Variants in EIF4E3 observed in about 807,000 individuals in gnomAD.
EIF4E3 encodes eukaryotic translation initiation factor 4E type 3.
A neutral mutation model predicts 31.7 loss-of-function variants in EIF4E3; 26 were observed. That is an observed-to-expected ratio of 0.82 (90% CI 0.60 to 1.14). The LOEUF (loss-of-function observed/expected upper bound fraction) is 1.14, where lower values mean the gene tolerates loss of function less well. Ranked by LOEUF, EIF4E3 falls within the 50% of genes most tolerant of loss-of-function variation. EIF4E3 has a pLI of 0.00. For missense variants in EIF4E3, 304 were observed against 270.9 expected, an observed-to-expected ratio of 1.12 and a Z score of -0.86; for synonymous variants, 128 against 107.7, an observed-to-expected ratio of 1.19 and a Z score of -1.17.
At chr3:71,741,823 G>A (rs903543368) in intron 1 of EIF4E3, among the ~76,000 whole-genome samples, 2 of 152,174 alleles carry the variant, frequency 1.3e-5, no homozygotes, top group African/African-American at 2.4e-5. Flanking sequence ...TATGTTCTCT[G>A]ATACAGTGGA....
chr3:71,753,320 A>G (rs749722084), intron 1 of EIF4E3: 2 of 152,234 alleles, frequency 1.3e-5, no homozygotes, highest in Non-Finnish European at 2.9e-5. Context: ...ACTATCGTAA[A>G]TTACTCCCAG....
At chr3:71,665,308 T>C in the EIF4E3 span, among the ~76,000 whole-genome samples, 889 of 152,344 alleles carry the variant, frequency 5.8e-3, 10 homozygotes, top group African/African-American at 0.02. Flanking sequence ...CTCCAGCCAG[T>C]GAGCCAGATG....
intron 1 of EIF4E3, among the ~76,000 whole-genome samples, chr3:71,736,735 T>A (rs891336012): frequency 6.6e-6 from 1 of 152,240 alleles, no homozygotes; most frequent in African/African-American, 2.4e-5. Context: ...TGGATACATG[T>A]CATTGGACAC....
chr3:71,661,237 G>A, the EIF4E3 span, among the ~76,000 whole-genome samples: 2 of 152,104 alleles, frequency 1.3e-5, no homozygotes, highest in South Asian at 4.2e-4. Context: ...AGGGTTGGGG[G>A]GCGGGGGCGG....
At chr3:71,741,912 A>G (rs2049824573) in intron 1 of EIF4E3, among the ~76,000 whole-genome samples, 1 of 152,212 alleles carries the variant, frequency 6.6e-6, no homozygotes, top group Non-Finnish European at 1.5e-5. Flanking sequence ...ACTTCTCTAT[A>G]ACTCATGGAT....
intron 1 of EIF4E3, among the ~76,000 whole-genome samples, chr3:71,717,096 T>C (rs2049476666): frequency 6.6e-6 from 1 of 152,238 alleles, no homozygotes; most frequent in East Asian, 1.9e-4. Context: ...AGATGCTTCT[T>C]ACAAAGTAAA....
intron 3 of EIF4E3, among the ~76,000 whole-genome samples, chr3:71,698,377 G>A (rs1020002578): frequency 2.6e-5 from 4 of 152,144 alleles, no homozygotes; most frequent in Non-Finnish European, 5.9e-5. Context: ...GTCATGACAC[G>A]ATCTCATGTG....
chr3:71,691,001 T>G (rs2049056498), intron 5 of EIF4E3, among the ~76,000 whole-genome samples: 1 of 152,218 alleles, frequency 6.6e-6, no homozygotes, highest in Non-Finnish European at 1.5e-5. Context: ...GGCGGATGGA[T>G]AGTAAGGTGT....
chr3:71,668,284 C>G, the EIF4E3 span, among the ~76,000 whole-genome samples: 136 of 152,238 alleles, frequency 8.9e-4, 1 homozygote, highest in African/African-American at 3.2e-3. Flanking sequence ...AACGTAAGAC[C>G]TAAAACCATA....
chr3:71,743,283 G>A (rs1268069610), intron 1 of EIF4E3, among the ~76,000 whole-genome samples: 3 of 152,076 alleles, frequency 2.0e-5, no homozygotes. Flanking sequence ...AGTGAGTTTA[G>A]CAAAATTTCA....
chr3:71,661,035 T>C, the EIF4E3 span, among the ~76,000 whole-genome samples: 1 of 152,132 alleles, frequency 6.6e-6, no homozygotes, highest in Non-Finnish European at 1.5e-5. Flanking sequence ...TTCATCAACT[T>C]GTGAATTTTC....
At chr3:71,724,146 T>C (rs2049592244) in intron 1 of EIF4E3, among the ~76,000 whole-genome samples, 1 of 152,220 alleles carries the variant, frequency 6.6e-6, no homozygotes, top group South Asian at 2.1e-4. Context: ...CATCAAAATT[T>C]CCAAATGCTC....
rs571062679 is a variant in EIF4E3 at position 71,688,577 on chromosome 3, A to G, written c.628+1433T>C. Among the ~76,000 whole-genome samples the G allele has an allele frequency of 3.3e-5, 5 of 152,320 alleles. No homozygotes were observed. In the East Asian group the frequency reaches 9.6e-4, roughly 29 times the overall value. Reference sequence around the variant, plus strand: ...AATTGGTGTTCTCCTCTTTAGAGTCAAGTGTGGAGCTGGTTCAAAGGTGGG... The same window carrying G: ...AATTGGTGTTCTCCTCTTTAGAGTCGAGTGTGGAGCTGGTTCAAAGGTGGG... On this transcript the variant is annotated intron_variant, in intron 6 of 6. Coordinates refer to ENST00000425534, the MANE Select transcript of EIF4E3 (RefSeq NM_001134651.2).
chr3:71,752,886 C>A (rs2049947740), intron 1 of EIF4E3, among the ~76,000 whole-genome samples: 1 of 152,168 alleles, frequency 6.6e-6, no homozygotes, highest in Non-Finnish European at 1.5e-5. Flanking sequence ...TGCGGTGTGT[C>A]TGAGAATCAT....
At chr3:71,692,597 TC>T (rs1204941306) in intron 5 of EIF4E3, among the ~76,000 whole-genome samples, 1,190 of 102,908 alleles carry the variant, frequency 0.012, 11 homozygotes, top group East Asian at 0.11. Flanking sequence ...ACCCAGGTCT[TC>T]TTTTTTTTTT....
At chr3:71,673,345 A>C (rs969128694), downstream of EIF4E3, among the ~76,000 whole-genome samples, 8 of 152,168 alleles carry the variant, frequency 5.3e-5, no homozygotes, top group African/African-American at 1.9e-4. Context: ...CCTCAGGTAT[A>C]TACATGAAGA....
chr3:71,717,370 T>C (rs1250101803), intron 1 of EIF4E3, among the ~76,000 whole-genome samples: 1 of 152,206 alleles, frequency 6.6e-6, no homozygotes, highest in East Asian at 1.9e-4. Flanking sequence ...TAAAAATCAC[T>C]ATTGTCACAA....
At position 71,693,928 on chromosome 3, in the gene EIF4E3, T is replaced by G. The variant is rs1352064995; in HGVS notation, c.419A>C (p.Lys140Thr). ...VPKDSTSTVWKELLLATIGEQ... is the reference protein window; with the variant it reads ...VPKDSTSTVWTELLLATIGEQ... ...CCCGATGGTTGCTAACAGCAACTCT[T>G]TCCAAACTGTGGACTGATATGGGAA... is the stretch of plus-strand genomic sequence containing the variant. Residue 140 changes from lysine (K) to threonine (T), a missense_variant, in exon 5 of 7, where the codon AAA (lysine) becomes ACA (threonine). Physicochemically the swap from Lys to Thr is moderately conservative, Grantham distance 78. Transcript: ENST00000425534. 3 of 1,583,498 alleles carry G rather than the reference T, an allele frequency of 1.9e-6. No individual in the cohort carries two copies. The highest frequency in any genetic ancestry group is 2.6e-6 in the Non-Finnish European group (3 of 1,164,482).
chr3:71,690,839 G>C (rs2049054212), intron 5 of EIF4E3, among the ~76,000 whole-genome samples: 3 of 152,226 alleles, frequency 2.0e-5, no homozygotes, highest in African/African-American at 4.8e-5. Context: ...ACTGTGTATA[G>C]AGTGAGAGTA....
Sources: gnomAD v4.1 joint callset for allele counts (sites outside exome capture counted in the v4.1 genomes callset) on GRCh38, gnomAD v4.1.1 for gene constraint, MANE v1.5 for transcripts, NCBI Gene and HGNC (gene_info 2026-07-23, HGNC 2026-07-21) for gene names.